Variants in G6PD observed in about 807,000 individuals in gnomAD.
G6PD encodes the protein glucose-6-phosphate 1-dehydrogenase.
In G6PD, 2 loss-of-function variants were observed where a neutral mutation model predicts 38.2. The ratio of observed to expected loss-of-function variants is 0.05; its 90% confidence interval spans 0.02 to 0.16. The LOEUF (loss-of-function observed/expected upper bound fraction) is 0.16. G6PD is among the 10% of genes least tolerant of loss of function. G6PD has a pLI of 1.00. For synonymous variants in G6PD, 188 were observed against 196.0 expected (o/e 0.96, Z 0.34); for missense variants, 310 against 471.6 (o/e 0.66, Z 3.17).
chrX:154,538,654 G>A (rs1185630458), intron 2 of G6PD, among the ~76,000 whole-genome samples: 2 of 111,889 alleles, frequency 1.8e-5, no homozygotes, highest in Non-Finnish European at 3.8e-5. Flanking sequence ...CTGGCTGGGC[G>A]TGGTGGCTCA....
intron 2 of G6PD, among the ~76,000 whole-genome samples, chrX:154,541,602 C>T (rs185886425): frequency 2.7e-5 from 3 of 111,905 alleles, no homozygotes; most frequent in Non-Finnish European, 3.8e-5. Context: ...AGAGTCTACT[C>T]GTGCCATGTG....
rs1557230829 is a variant in G6PD, at chrX:154,536,182, T to G, written c.121-4A>C. 8.3e-7 allele frequency: 1 copy of G among 1,208,472 alleles called. No individual in the cohort carries two copies. Among genetic ancestry groups the G allele is most frequent in the East Asian group, 3.0e-5 (1 of 33,749 alleles). ...TCTTCTTCTTGGCCAGGTCACCCTG[T>G]GGCAGAGGGAACAGGTGTGTGGTTA... On this transcript the variant is annotated splice_region_variant and splice_polypyrimidine_tract_variant and intron_variant, in intron 2 of 12. Transcript: ENST00000393562.
chrX:154,544,486 G>A (rs2070634312), intron 2 of G6PD, among the ~76,000 whole-genome samples: 1 of 112,419 alleles, frequency 8.9e-6, no homozygotes, highest in Non-Finnish European at 1.9e-5. Context: ...GTAGAGACTG[G>A]GTTTCGCCAT....
Sources: allele counts gnomAD v4.1 joint callset (sites outside exome capture counted in the v4.1 genomes callset), GRCh38; gene constraint gnomAD v4.1.1; transcripts MANE v1.5; gene names NCBI Gene and HGNC (gene_info 2026-07-23, HGNC 2026-07-21).